Variants in PI4K2B observed in about 807,000 individuals in gnomAD.
PI4K2B encodes the protein phosphatidylinositol 4-kinase type 2 beta, also known as phosphatidylinositol 4-kinase type 2-beta.
In PI4K2B, 46 loss-of-function variants were observed where a neutral mutation model predicts 56.6. That is an observed-to-expected ratio of 0.81 (90% CI 0.64 to 1.04). The LOEUF (loss-of-function observed/expected upper bound fraction) is 1.04. PI4K2B is among the 50% of genes least tolerant of loss of function. The probability of loss-of-function intolerance (pLI) is 0.00; values close to 1 mark genes in which losing one functional copy is unlikely to be tolerated. For missense variants in PI4K2B, 556 were observed against 607.7 expected (o/e 0.91, Z 0.89); for synonymous variants, 211 against 223.8 (o/e 0.94, Z 0.51).
intron 5 of PI4K2B, 117 bp downstream of exon 5, chr4:25,259,307 TCTGTC>T: frequency 1.5e-6 from 1 of 686,552 alleles, no homozygotes; most frequent in Non-Finnish European, 2.5e-6. Context: ...ACTTTCTCTG[TCTGTC>T]TTGGCAAACA....
Position 25,239,417 on chromosome 4 carries a change from G to T in PI4K2B, c.268+4986G>T, listed in dbSNP as rs369554615. ...GAGGCAGCTAAGGCCCAGTGAGAAA[G>T]CGAGCACGGTGCCGGCCCAGGGGGA... On this transcript the variant is annotated intron_variant, in intron 1 of 9. Transcript: ENST00000264864. 1.4e-3 allele frequency among the ~76,000 whole-genome samples: 179 copies of T among 128,426 alleles called. 2 individuals are homozygous for T. The South Asian group carries it at 0.024, about 17-fold the overall frequency. 84.3% of individuals were successfully genotyped at this position (128,426 alleles called of 152,430 possible).
rs1213916420 is a variant in PI4K2B, at chr4:25,268,529, A to G, written c.1165A>G (p.Met389Val). 1 of 1,598,734 alleles carries G rather than the reference A, an allele frequency of 6.3e-7. No homozygotes were observed. Among genetic ancestry groups the G allele is most frequent in the African/African-American group, 1.3e-5 (1 of 74,524 alleles). ...RNLILPYISDMNFVQDLCEDL... is the reference protein window; with the variant it reads ...RNLILPYISDVNFVQDLCEDL... Reference sequence around the variant, plus strand: ...TTTGATTCTACCATATATTTCTGACATGAACTTTGTGCAAGATTTATGTGA... The same window carrying G: ...TTTGATTCTACCATATATTTCTGACGTGAACTTTGTGCAAGATTTATGTGA... Residue 389 changes from methionine (M) to valine (V), a missense_variant, in exon 8 of 10, where the codon ATG becomes GTG. Transcript: ENST00000264864.
chr4:25,238,559 G>A (rs1715367411), intron 1 of PI4K2B, among the ~76,000 whole-genome samples: 1 of 152,244 alleles, frequency 6.6e-6, no homozygotes, highest in East Asian at 1.9e-4. Context: ...GTTCGGATGT[G>A]TTCGGAGTTT....
intron 1 of PI4K2B, among the ~76,000 whole-genome samples, chr4:25,243,094 GA>G (rs765175110): frequency 3.9e-5 from 6 of 152,192 alleles, no homozygotes; most frequent in Non-Finnish European, 7.3e-5. Flanking sequence ...TCCAGGACAG[GA>G]GATTAACACT....
intron 1 of PI4K2B, among the ~76,000 whole-genome samples, chr4:25,250,377 T>G (rs1026644585): frequency 6.6e-6 from 1 of 152,124 alleles, no homozygotes; most frequent in East Asian, 1.9e-4. Context: ...TTCTCACTAA[T>G]AAGTGGGAGC....
intron 6 of PI4K2B, 90 bp from the exon 7 acceptor site, chr4:25,263,660 C>T: frequency 1.9e-6 from 1 of 533,656 alleles, no homozygotes; most frequent in Non-Finnish European, 3.3e-6. Context: ...AGAATATGTT[C>T]TTAAACCTCA....
At chr4:25,270,346 TTTTTC>T (rs1217482522) in intron 9 of PI4K2B, among the ~76,000 whole-genome samples, 1 of 152,000 alleles carries the variant, frequency 6.6e-6, no homozygotes, top group Non-Finnish European at 1.5e-5. Flanking sequence ...TTTTTTTCTT[TTTTTC>T]TTTTCTTTTT....
At chr4:25,255,423 G>T (rs1351441858) in intron 3 of PI4K2B, among the ~76,000 whole-genome samples, 158 bp downstream of exon 3, 3 of 152,104 alleles carry the variant, frequency 2.0e-5, no homozygotes, top group Non-Finnish European at 4.4e-5. Context: ...TAAATTGATT[G>T]TAGTGTAGAT....
intron 1 of PI4K2B, among the ~76,000 whole-genome samples, chr4:25,237,633 T>C (rs550617511): frequency 6.6e-6 from 1 of 152,350 alleles, no homozygotes; most frequent in African/African-American, 2.4e-5. Context: ...CCCAGAGCAC[T>C]GAGATTACAA....
chr4:25,274,341 G>A (rs1262572410), intron 9 of PI4K2B, among the ~76,000 whole-genome samples: 2 of 152,154 alleles, frequency 1.3e-5, no homozygotes, highest in Admixed American at 6.5e-5. Context: ...TGTCATTATG[G>A]CATGGGTGGA....
chr4:25,256,434 C>T (rs546768385), intron 3 of PI4K2B, 109 bp from the exon 4 acceptor site: 20 of 1,033,738 alleles, frequency 1.9e-5, no homozygotes, highest in Non-Finnish European at 2.7e-5. Flanking sequence ...GCCTTTATTA[C>T]AGGATTAAAC....
intron 7 of PI4K2B, among the ~76,000 whole-genome samples, chr4:25,266,503 T>A (rs892761462): frequency 2.0e-5 from 3 of 152,274 alleles, no homozygotes; most frequent in Non-Finnish European, 4.4e-5. Context: ...ATTTTTTTCC[T>A]ATTAAACGTG....
chr4:25,260,672 A>G, intron 6 of PI4K2B, 81 bp downstream of exon 6: 1 of 313,028 alleles, frequency 3.2e-6, no homozygotes, highest in Non-Finnish European at 5.8e-6. Flanking sequence ...ACATACACAC[A>G]CACACGTGTA....
intron 1 of PI4K2B, among the ~76,000 whole-genome samples, chr4:25,244,073 C>T (rs192376696): frequency 1.4e-3 from 217 of 152,298 alleles, no homozygotes; most frequent in Non-Finnish European, 2.0e-3. Context: ...AAGGTTTGCC[C>T]TAGACCCTTT....
rs984291369 is a variant in PI4K2B, at chr4:25,234,220, G to A, written c.57G>A (p.Glu19=). The change falls in exon 1 of 10, where the codon GAG becomes GAA. Residue 19 remains glutamate (E), a synonymous_variant. Transcript: ENST00000264864. ...RLASADGGSP[E]EEEDGEREPL... Reference sequence around the variant, plus strand: ...CGTCCGCGGACGGCGGGAGCCCGGAGGAGGAGGAGGATGGGGAGCGGGAGC... The same window carrying A: ...CGTCCGCGGACGGCGGGAGCCCGGAAGAGGAGGAGGATGGGGAGCGGGAGC... The A allele has an allele frequency of 2.1e-6, 3 of 1,420,510 alleles. No individual in the cohort carries two copies. Among genetic ancestry groups the A allele is most frequent in the African/African-American group, 3.0e-5 (2 of 67,468 alleles). The allele number at this position is 1,420,510 out of a possible 1,614,324, so 88.0% of individuals were successfully genotyped here.
In PI4K2B at chr4:25,260,360, GT is replaced by G. The variant is rs1220872114; in HGVS notation, c.911-151del. ...TAAATGTTAGCTCACATTTATGTTTGTTTTTTTTTTTTTAGTTTCTTTGTGT... is the reference window on the plus strand; with the variant it reads ...TAAATGTTAGCTCACATTTATGTTTGTTTTTTTTTTTTAGTTTCTTTGTGT... On this transcript the variant is annotated intron_variant, in intron 5 of 9. Coordinates refer to ENST00000264864, the MANE Select transcript of PI4K2B (RefSeq NM_018323.4). Among the ~76,000 whole-genome samples, 180 of 136,872 alleles carry G rather than the reference GT, an allele frequency of 1.3e-3. 2 individuals are homozygous for G. The highest frequency in any genetic ancestry group is 9.1e-3 in the South Asian group (39 of 4,288). The allele number at this position is 136,872 out of a possible 152,430, so 89.8% of individuals were successfully genotyped here.
chr4:25,246,853 G>A (rs887926977), intron 1 of PI4K2B, among the ~76,000 whole-genome samples: 14 of 152,222 alleles, frequency 9.2e-5, no homozygotes, highest in Admixed American at 3.9e-4. Flanking sequence ...AGCTGCTGGC[G>A]CGGGTGCTAA....
At chr4:25,259,441 G>A (rs2109017521) in intron 5 of PI4K2B, among the ~76,000 whole-genome samples, 1 of 152,252 alleles carries the variant, frequency 6.6e-6, no homozygotes, top group East Asian at 1.9e-4. Context: ...GCAGGGCAAA[G>A]TCAGATATTG....
Position 25,277,013 on chromosome 4 carries a change from G to T in PI4K2B, c.1273-1G>T. The T allele has an allele frequency of 6.4e-7, 1 of 1,555,572 alleles. No individual in the cohort carries two copies. Reference sequence around the variant, plus strand: ...GGTAAAAATCTCTCTTCTTCCCACAGATCTTAAACCTTACTCAGGCATTGA... The same window carrying T: ...GGTAAAAATCTCTCTTCTTCCCACATATCTTAAACCTTACTCAGGCATTGA... On this transcript the variant is annotated splice_acceptor_variant, in intron 9 of 9. Transcript: ENST00000264864. LOFTEE classifies it high-confidence loss of function.
Sources: gnomAD v4.1 joint callset for allele counts (sites outside exome capture counted in the v4.1 genomes callset) on GRCh38, gnomAD v4.1.1 for gene constraint, MANE v1.5 for transcripts, NCBI Gene and HGNC (gene_info 2026-07-23, HGNC 2026-07-21) for gene names.